Variants in ZFAND6 observed in about 807,000 individuals in gnomAD.
ZFAND6 encodes AN1-type zinc finger protein 6.
In ZFAND6, 12 loss-of-function variants were observed where a neutral mutation model predicts 24.5. The ratio of observed to expected loss-of-function variants is 0.49; its 90% confidence interval spans 0.31 to 0.79. The LOEUF (loss-of-function observed/expected upper bound fraction) is 0.79. ZFAND6 is among the 30% of genes least tolerant of loss of function. The pLI is 0.04. For missense variants in ZFAND6, 207 were observed against 245.9 expected, an observed-to-expected ratio of 0.84 and a Z score of 1.06; for synonymous variants, 92 against 81.5, an observed-to-expected ratio of 1.13 and a Z score of -0.69.
chr15:80,131,329 A>G, intron 6 of ZFAND6, 36 bp downstream of exon 6: 1 of 1,560,642 alleles, frequency 6.4e-7, no homozygotes, highest in South Asian at 1.1e-5. Flanking sequence ...AATTAAAATG[A>G]TGTTTTATAA....
rs147298615 is a variant in ZFAND6 at position 80,085,464 on chromosome 15, T to C, written c.-180-12952T>C. ...ACCTTTGTCTCCAGAGCTTTCGTAA[T>C]CAACTCCCAAAATCACGACCTTAAT... On this transcript the variant is annotated intron_variant, in intron 1 of 6. Coordinates refer to ENST00000261749, the MANE Select transcript of ZFAND6 (RefSeq NM_019006.4). 4.9e-4 allele frequency among the ~76,000 whole-genome samples: 74 copies of C among 152,370 alleles called. No individual in the cohort carries two copies. The Middle Eastern group carries it at 0.01, about 21-fold the overall frequency.
intron 1 of ZFAND6, chr15:80,075,202 TTTAAAA>T: frequency 5.9e-6 from 1 of 170,426 alleles, no homozygotes; most frequent in South Asian, 9.9e-5. Flanking sequence ...AAGAGAGAAA[TTTAAAA>T]TTAAAAATTT....
chr15:80,096,238 A>G (rs1051698580), intron 1 of ZFAND6, among the ~76,000 whole-genome samples: 1 of 152,238 alleles, frequency 6.6e-6, no homozygotes, highest in South Asian at 2.1e-4. Context: ...TGTCTGTTAT[A>G]TCGTAAACAC....
At chr15:80,093,428 C>T (rs1276959822) in intron 1 of ZFAND6, among the ~76,000 whole-genome samples, 2 of 151,876 alleles carry the variant, frequency 1.3e-5, no homozygotes, top group Non-Finnish European at 2.9e-5. Context: ...AATCGGAAAA[C>T]ATGAAGAAGT....
chr15:80,065,537 A>ATTTTTTTTTTTTTTTTTTTTTT lies in ZFAND6; in HGVS notation c.-181+5732_-181+5753dup, dbSNP rs149756891. 9.1e-5 allele frequency among the ~76,000 whole-genome samples: 7 copies of ATTTTTTTTTTTTTTTTTTTTTT among 76,506 alleles called. 2 individuals carry two copies. The highest frequency in any genetic ancestry group is 8.2e-4 in the East Asian group (2 of 2,448). 50.2% of individuals were successfully genotyped at this position (76,506 alleles called of 152,430 possible). ...GGGCTTCAAATTAGTTTTGGTTTTG[A>ATTTTTTTTTTTTTTTTTTTTTT]TTTTTTTTTTTTTTTTTTTTTTTTT... On this transcript the variant is annotated intron_variant, in intron 1 of 6. Transcript: ENST00000261749.
chr15:80,120,260 C>A, intron 2 of ZFAND6, 68 bp from the exon 3 acceptor site: 2 of 1,267,298 alleles, frequency 1.6e-6, no homozygotes, highest in Non-Finnish European at 2.1e-6. Context: ...CATATAAAAG[C>A]AGTTTTGGAT....
chr15:80,114,007 A>C (rs1039649127), intron 2 of ZFAND6, among the ~76,000 whole-genome samples: 2 of 152,108 alleles, frequency 1.3e-5, no homozygotes, highest in Non-Finnish European at 2.9e-5. Context: ...CAGAGTACAA[A>C]GGTAGATGGG....
intron 2 of ZFAND6, among the ~76,000 whole-genome samples, chr15:80,099,763 T>C (rs2038936791): frequency 6.6e-6 from 1 of 152,038 alleles, no homozygotes; most frequent in Non-Finnish European, 1.5e-5. Context: ...ACTACAGGCA[T>C]GCGCCACCAT....
At chr15:80,103,601 T>G (rs1421895620) in intron 2 of ZFAND6, among the ~76,000 whole-genome samples, 3 of 152,204 alleles carry the variant, frequency 2.0e-5, no homozygotes, top group Non-Finnish European at 4.4e-5. Flanking sequence ...AGTGTCCAAA[T>G]TTTTTAGCCA....
chr15:80,078,304 G>A (rs998601489), intron 1 of ZFAND6, among the ~76,000 whole-genome samples: 3 of 152,148 alleles, frequency 2.0e-5, no homozygotes, highest in Admixed American at 6.5e-5. Context: ...AAGTGACAAC[G>A]TGGTATTTGG....
chr15:80,135,179 T>G lies in ZFAND6; in HGVS notation c.479-2301T>G, dbSNP rs1242179998. Among the ~76,000 whole-genome samples, 3 of 152,306 alleles carry G rather than the reference T, an allele frequency of 2.0e-5. No homozygotes were observed. In the South Asian group the frequency reaches 6.2e-4, roughly 32 times the overall value. ...TTTCACTTAATGAATAGTAAATATA[T>G]TTTCTCTTCCTTGTGATTTTCTGAA... is the stretch of plus-strand genomic sequence containing the variant. On this transcript the variant is annotated intron_variant, in intron 6 of 6. Coordinates refer to ENST00000261749, the MANE Select transcript of ZFAND6 (RefSeq NM_019006.4).
intron 1 of ZFAND6, among the ~76,000 whole-genome samples, chr15:80,089,259 GTTTTTTTTTTT>G (rs71453501): frequency 9.8e-5 from 6 of 61,096 alleles, no homozygotes; most frequent in African/African-American, 2.0e-4. Context: ...GAGTGTGTGT[GTTTTTTTTTTT>G]TTTTTTTTTT....
intron 2 of ZFAND6, among the ~76,000 whole-genome samples, chr15:80,103,774 A>C (rs1306158088): frequency 6.6e-6 from 1 of 152,240 alleles, no homozygotes; most frequent in African/African-American, 2.4e-5. Context: ...TTGATAGAAC[A>C]AAAGCAGACA....
chr15:80,116,754 C>A (rs2039893897), intron 2 of ZFAND6, among the ~76,000 whole-genome samples: 1 of 152,110 alleles, frequency 6.6e-6, no homozygotes. Context: ...CATAAACTTT[C>A]TTAAAGCATT....
intron 5 of ZFAND6, among the ~76,000 whole-genome samples, chr15:80,125,958 T>C (rs2040353878): frequency 1.3e-5 from 2 of 152,298 alleles, no homozygotes; most frequent in Non-Finnish European, 2.9e-5. Context: ...GCAGAAGATA[T>C]TCTTTATATT....
At chr15:80,105,693 A>G (rs2039285661) in intron 2 of ZFAND6, among the ~76,000 whole-genome samples, 1 of 152,214 alleles carries the variant, frequency 6.6e-6, no homozygotes, top group African/African-American at 2.4e-5. Context: ...ACCAACTTGA[A>G]GATGAGTCAG....
At position 80,120,521 on chromosome 15, in the gene ZFAND6, G is replaced by A. The variant is rs74897388; in HGVS notation, c.154+23G>A. 0.016 allele frequency: 23,663 copies of A among 1,476,218 alleles called. 1,583 individuals are homozygous for A. In the East Asian group the frequency reaches 0.2, roughly 12 times the overall value. 91.4% of individuals were successfully genotyped at this position (1,476,218 alleles called of 1,614,324 possible). ...CTGGTAAGTAATTCTAGTGAAACCC[G>A]TCTATATTCATAATTGAAATACAAG... On this transcript the variant is annotated intron_variant, in intron 3 of 6. Coordinates refer to ENST00000261749, the MANE Select transcript of ZFAND6 (RefSeq NM_019006.4).
intron 1 of ZFAND6, among the ~76,000 whole-genome samples, chr15:80,096,240 C>T (rs1395908839): frequency 6.6e-6 from 1 of 152,152 alleles, no homozygotes; most frequent in Non-Finnish European, 1.5e-5. Flanking sequence ...TCTGTTATAT[C>T]GTAAACACCT....
At chr15:80,094,734 T>A (rs1249128922) in intron 1 of ZFAND6, among the ~76,000 whole-genome samples, 1 of 152,120 alleles carries the variant, frequency 6.6e-6, no homozygotes, top group Non-Finnish European at 1.5e-5. Context: ...AAATATGCAG[T>A]TATCTAATAC....
Sources: gnomAD v4.1 joint callset for allele counts (sites outside exome capture counted in the v4.1 genomes callset) on GRCh38, gnomAD v4.1.1 for gene constraint, MANE v1.5 for transcripts, NCBI Gene and HGNC (gene_info 2026-07-23, HGNC 2026-07-21) for gene names.